Variants in GRIA1 observed in about 807,000 individuals in gnomAD.
The protein encoded by GRIA1 is glutamate receptor 1.
A neutral mutation model predicts 99.2 loss-of-function variants in GRIA1; 31 were observed. The observed-to-expected ratio is 0.31, with a 90% confidence interval of 0.23 to 0.42. The LOEUF (loss-of-function observed/expected upper bound fraction) is 0.42. Ranked by LOEUF, GRIA1 falls within the 10% of genes least tolerant of loss-of-function variation. The pLI is 1.00. For missense variants in GRIA1, 782 were observed against 1,157.5 expected, an observed-to-expected ratio of 0.68 and a Z score of 4.71; for synonymous variants, 438 against 432.4, an observed-to-expected ratio of 1.01 and a Z score of -0.16.
intron 12 of GRIA1, among the ~76,000 whole-genome samples, chr5:153,769,605 T>C (rs1048635973): frequency 4.6e-5 from 7 of 151,996 alleles, no homozygotes; most frequent in Non-Finnish European, 2.9e-5. Context: ...TGGTCCCAAG[T>C]TATCAGCTTT....
chr5:153,556,924 A>G (rs189001962), intron 2 of GRIA1, among the ~76,000 whole-genome samples: 4 of 152,306 alleles, frequency 2.6e-5, no homozygotes, highest in Admixed American at 2.6e-4. Context: ...CACCTAGGCT[A>G]TATTGGATGA....
At chr5:153,699,958 G>A (rs548846346) in intron 10 of GRIA1, among the ~76,000 whole-genome samples, 1 of 152,198 alleles carries the variant, frequency 6.6e-6, no homozygotes, top group Admixed American at 6.5e-5. Flanking sequence ...TTATGGGGTA[G>A]AAAAGACAAT....
intron 11 of GRIA1, among the ~76,000 whole-genome samples, chr5:153,736,264 G>A (rs141557336): frequency 1.1e-3 from 160 of 152,306 alleles, no homozygotes; most frequent in African/African-American, 3.6e-3. Context: ...ACCATTAAAG[G>A]AGTTACGTAA....
chr5:153,536,699 C>A (rs1368436773), intron 2 of GRIA1, among the ~76,000 whole-genome samples: 1 of 152,206 alleles, frequency 6.6e-6, no homozygotes, highest in Non-Finnish European at 1.5e-5. Context: ...AAAACCTTAA[C>A]TTTTGTGCTC....
intron 2 of GRIA1, among the ~76,000 whole-genome samples, chr5:153,500,630 C>A (rs1028922184): frequency 1.4e-5 from 2 of 147,764 alleles, no homozygotes; most frequent in Non-Finnish European, 3.0e-5. Context: ...CACACACACA[C>A]ACACACACAC....
chr5:153,576,071 C>A (rs548935056), intron 2 of GRIA1, among the ~76,000 whole-genome samples: 1 of 152,274 alleles, frequency 6.6e-6, no homozygotes, highest in African/African-American at 2.4e-5. Context: ...CTACTTCTAC[C>A]GCTTGTTAGT....
At chr5:153,745,618 G>T (rs376630488) in intron 11 of GRIA1, among the ~76,000 whole-genome samples, 3 of 133,796 alleles carry the variant, frequency 2.2e-5, no homozygotes, top group African/African-American at 5.6e-5. Context: ...AAAAAGAAAA[G>T]AAAAAGAAAT....
intron 8 of GRIA1, among the ~76,000 whole-genome samples, chr5:153,694,580 G>C (rs7446593): frequency 0.094 from 14,296 of 152,190 alleles, 823 homozygotes; most frequent in Non-Finnish European, 0.12. Context: ...TCTCATAGCA[G>C]CCCATGAGGC....
At chr5:153,795,623 T>C (rs750668012) in intron 14 of GRIA1, 2 of 1,274,734 alleles carry the variant, frequency 1.6e-6, no homozygotes, top group East Asian at 4.7e-5. Context: ...CACGCACACC[T>C]GTAACAAAAA....
chr5:153,701,506 C>T (rs947761412), intron 10 of GRIA1, among the ~76,000 whole-genome samples: 2 of 149,074 alleles, frequency 1.3e-5, no homozygotes, highest in African/African-American at 2.5e-5. Context: ...CCTAGGAATT[C>T]GGGAGCTGAG....
intron 2 of GRIA1, among the ~76,000 whole-genome samples, chr5:153,564,868 T>G (rs1761477626): frequency 6.6e-6 from 1 of 152,208 alleles, no homozygotes; most frequent in Admixed American, 6.5e-5. Context: ...TGTATGGGAA[T>G]GAATATGTCA....
At chr5:153,682,316 C>T (rs1757030439) in intron 7 of GRIA1, among the ~76,000 whole-genome samples, 1 of 152,140 alleles carries the variant, frequency 6.6e-6, no homozygotes, top group African/African-American at 2.4e-5. Context: ...CGGCTGTCTC[C>T]TTCAGGACTG....
chr5:153,703,507 G>A (rs968123459), intron 10 of GRIA1, among the ~76,000 whole-genome samples: 36 of 152,190 alleles, frequency 2.4e-4, no homozygotes, highest in African/African-American at 8.7e-4. Flanking sequence ...CACTTTGGGA[G>A]GCTAAGGCAG....
intron 2 of GRIA1, among the ~76,000 whole-genome samples, chr5:153,494,520 C>T (rs1366087736): frequency 1.3e-5 from 2 of 152,208 alleles, no homozygotes; most frequent in Non-Finnish European, 2.9e-5. Flanking sequence ...AAGTTGTACA[C>T]ATCTGGTTCT....
intron 2 of GRIA1, among the ~76,000 whole-genome samples, chr5:153,569,066 T>TG (rs892339388): frequency 2.0e-5 from 3 of 152,000 alleles, no homozygotes; most frequent in Admixed American, 6.6e-5. Flanking sequence ...TATTTTTTGG[T>TG]GGGGGGGTCT....
intron 11 of GRIA1, among the ~76,000 whole-genome samples, chr5:153,731,226 TTCTC>T (rs372671407): frequency 5.4e-5 from 8 of 149,392 alleles, no homozygotes; most frequent in African/African-American, 1.5e-4. Context: ...CTGTCTCTCT[TTCTC>T]TCTCTCTCTC....
intron 2 of GRIA1, among the ~76,000 whole-genome samples, chr5:153,567,047 C>A (rs1761704203): frequency 6.6e-6 from 1 of 152,116 alleles, no homozygotes; most frequent in Non-Finnish European, 1.5e-5. Context: ...TATGGGTTAC[C>A]TATTAGCCTT....
chr5:153,757,787 T>G (rs1241654538), intron 11 of GRIA1, among the ~76,000 whole-genome samples: 4 of 152,174 alleles, frequency 2.6e-5, no homozygotes, highest in Admixed American at 6.5e-5. Flanking sequence ...CAGACAGTCT[T>G]ACTAGAAATC....
chr5:153,799,453 A>G (rs970674658), intron 14 of GRIA1, among the ~76,000 whole-genome samples: 1 of 152,226 alleles, frequency 6.6e-6, no homozygotes, highest in African/African-American at 2.4e-5. Flanking sequence ...AAAGCTAATG[A>G]CACGCTTAAA....
Sources: allele counts gnomAD v4.1 joint callset (sites outside exome capture counted in the v4.1 genomes callset), GRCh38; gene constraint gnomAD v4.1.1; transcripts MANE v1.5; gene names NCBI Gene and HGNC (gene_info 2026-07-23, HGNC 2026-07-21).